Variants in AGMO observed in about 807,000 individuals in gnomAD.
AGMO encodes the protein glyceryl-ether monooxygenase.
Under a neutral mutation model 60.2 loss-of-function variants are expected in AGMO, and 75 were observed. That is an observed-to-expected ratio of 1.25 (90% CI 1.03 to 1.51). The LOEUF is 1.51. Among genes scored for constraint, AGMO ranks in the 40% most tolerant of loss-of-function variants. AGMO has a pLI of 0.00. For missense variants in AGMO, 763 were observed against 525.5 expected (o/e 1.45, Z -4.42); for synonymous variants, 261 against 177.1 (o/e 1.47, Z -3.76).
intron 3 of AGMO, among the ~76,000 whole-genome samples, chr7:15,542,048 T>C (rs1784643898): frequency 6.6e-6 from 1 of 152,164 alleles, no homozygotes; most frequent in African/African-American, 2.4e-5. Flanking sequence ...TTGACAGTAA[T>C]CCAAGAGGCT....
At chr7:15,205,836 C>G (rs1022481557) in intron 12 of AGMO, among the ~76,000 whole-genome samples, 6 of 151,976 alleles carry the variant, frequency 3.9e-5, no homozygotes, top group Non-Finnish European at 7.4e-5. Context: ...TACCCTGGCC[C>G]TAAATGGAAG....
At chr7:15,148,814 G>A in the AGMO span, among the ~76,000 whole-genome samples, 2 of 152,064 alleles carry the variant, frequency 1.3e-5, no homozygotes, top group African/African-American at 4.8e-5. Flanking sequence ...GTAAAACAAT[G>A]TATATTTTGG....
At chr7:15,265,441 A>G (rs1465954562) in intron 12 of AGMO, among the ~76,000 whole-genome samples, 1 of 152,008 alleles carries the variant, frequency 6.6e-6, no homozygotes, top group Non-Finnish European at 1.5e-5. Flanking sequence ...TCTAGAATAC[A>G]CTATTAAAAA....
chr7:15,302,434 T>C (rs1485882503), intron 12 of AGMO, among the ~76,000 whole-genome samples: 2 of 152,164 alleles, frequency 1.3e-5, no homozygotes, highest in Non-Finnish European at 2.9e-5. Flanking sequence ...CAATAAAAGG[T>C]ATACAGTATT....
the AGMO span, among the ~76,000 whole-genome samples, chr7:15,152,829 T>C: frequency 1.3e-5 from 2 of 152,172 alleles, no homozygotes; most frequent in East Asian, 1.9e-4. Flanking sequence ...CTTTTTTGTA[T>C]AATGACTTCT....
chr7:15,388,153 G>T (rs1004301070), intron 8 of AGMO, among the ~76,000 whole-genome samples: 1 of 151,940 alleles, frequency 6.6e-6, no homozygotes, highest in African/African-American at 2.4e-5. Flanking sequence ...TCAATGAGTT[G>T]AACCATTAAG....
intron 3 of AGMO, among the ~76,000 whole-genome samples, chr7:15,476,240 C>A (rs983891042): frequency 5.3e-5 from 8 of 152,054 alleles, no homozygotes; most frequent in Admixed American, 1.3e-4. Flanking sequence ...ATTGTGGAAA[C>A]CAAGGTAACA....
the AGMO span, among the ~76,000 whole-genome samples, chr7:15,151,103 C>A: frequency 1.5e-4 from 23 of 152,204 alleles, no homozygotes; most frequent in African/African-American, 5.5e-4. Context: ...AGTTCGTGTG[C>A]ACAGAAGTGT....
chr7:15,144,243 T>C, the AGMO span, among the ~76,000 whole-genome samples: 2 of 152,152 alleles, frequency 1.3e-5, no homozygotes, highest in Non-Finnish European at 2.9e-5. Flanking sequence ...ATGCCTAATA[T>C]ATTCAGTCAA....
At chr7:15,188,722 A>G in the AGMO span, among the ~76,000 whole-genome samples, 1 of 151,866 alleles carries the variant, frequency 6.6e-6, no homozygotes, top group Non-Finnish European at 1.5e-5. Context: ...ATAGAAAAGC[A>G]GATAAATATA....
chr7:15,470,037 TC>T (rs1782407332), intron 3 of AGMO, among the ~76,000 whole-genome samples: 1 of 152,046 alleles, frequency 6.6e-6, no homozygotes, highest in South Asian at 2.1e-4. Flanking sequence ...TTAAGATTTT[TC>T]CACTCCACTT....
chr7:15,321,832 T>C (rs759508999), intron 12 of AGMO, among the ~76,000 whole-genome samples: 1 of 151,996 alleles, frequency 6.6e-6, no homozygotes, highest in South Asian at 2.1e-4. Context: ...GGCTAGTAAA[T>C]AGTCGATTTT....
At chr7:15,332,155 A>G (rs1583417767) in intron 12 of AGMO, among the ~76,000 whole-genome samples, 1 of 152,140 alleles carries the variant, frequency 6.6e-6, no homozygotes, top group African/African-American at 2.4e-5. Flanking sequence ...TGAGCAAAAA[A>G]TAAACTTACA....
the AGMO span, among the ~76,000 whole-genome samples, chr7:15,129,876 CAGGTAAATCAA>C: frequency 1.3e-5 from 2 of 152,014 alleles, no homozygotes; most frequent in Non-Finnish European, 2.9e-5. Context: ...TGTCACTTGT[CAGGTAAATCAA>C]AGGCACATAG....
intron 12 of AGMO, chr7:15,306,355 G>T (rs1780613129): frequency 3.7e-6 from 1 of 268,104 alleles, no homozygotes; most frequent in Non-Finnish European, 7.7e-6. Context: ...TTCATTCATG[G>T]ATCAAAAAGA....
chr7:15,264,080 T>G (rs1783361726), intron 12 of AGMO, among the ~76,000 whole-genome samples: 1 of 151,618 alleles, frequency 6.6e-6, no homozygotes, highest in Non-Finnish European at 1.5e-5. Context: ...ATGAAAAATT[T>G]ATAAAAATAA....
intron 3 of AGMO, among the ~76,000 whole-genome samples, chr7:15,436,294 A>G (rs1307886922): frequency 6.8e-6 from 1 of 146,850 alleles, no homozygotes; most frequent in Non-Finnish European, 1.5e-5. Context: ...TCCCTGTGCA[A>G]GTCCAAGATC....
intron 5 of AGMO, among the ~76,000 whole-genome samples, chr7:15,406,559 T>C (rs1391131811): frequency 3.0e-5 from 2 of 65,946 alleles, no homozygotes; most frequent in East Asian, 3.8e-4. Flanking sequence ...TTGTTTGGAA[T>C]ACACACACAC....
chr7:15,300,914 A>G (rs1784545521), intron 12 of AGMO, among the ~76,000 whole-genome samples: 1 of 152,134 alleles, frequency 6.6e-6, no homozygotes, highest in African/African-American at 2.4e-5. Context: ...TTTAGTGTCA[A>G]TTTGCTGTAT....
Sources: gnomAD v4.1 joint callset for allele counts (sites outside exome capture counted in the v4.1 genomes callset) on GRCh38, gnomAD v4.1.1 for gene constraint, MANE v1.5 for transcripts, NCBI Gene and HGNC (gene_info 2026-07-23, HGNC 2026-07-21) for gene names.